The following NALF1 variants were observed in gnomAD, a reference collection of about 807,000 sequenced individuals.
NALF1 encodes family with sequence similarity 155 member A.
A neutral mutation model predicts 48.4 loss-of-function variants in NALF1; 3 were observed. The observed-to-expected ratio is 0.06, with a 90% CI of 0.03 to 0.16. NALF1 has a LOEUF of 0.16. NALF1 is among the 10% of genes least tolerant of loss of function. The probability of loss-of-function intolerance (pLI) is 1.00; values close to 1 mark genes in which losing one functional copy is unlikely to be tolerated. For missense variants in NALF1, 526 were observed against 571.5 expected (o/e 0.92, Z 0.81); for synonymous variants, 262 against 245.7 (o/e 1.07, Z -0.62).
chr13:107,546,553 C>A (rs1877140825), intron 1 of NALF1, among the ~76,000 whole-genome samples: 1 of 152,108 alleles, frequency 6.6e-6, no homozygotes, highest in South Asian at 2.1e-4. Flanking sequence ...GGCAAAAGAG[C>A]TCGAGCTAAA....
chr13:107,357,948 G>C (rs767196281), intron 1 of NALF1, among the ~76,000 whole-genome samples: 45 of 152,066 alleles, frequency 3.0e-4, no homozygotes, highest in Non-Finnish European at 5.9e-4. Flanking sequence ...ACAGTATCAA[G>C]TTTAGGTTGA....
chr13:107,204,996 C>T (rs1323517919), intron 2 of NALF1, among the ~76,000 whole-genome samples: 1 of 144,890 alleles, frequency 6.9e-6, no homozygotes, highest in African/African-American at 2.5e-5. Context: ...CTAATGAGAA[C>T]ATCTTTTTTT....
rs368277243 is a variant in NALF1 at position 107,766,646 on chromosome 13, C to A, written c.915+99036G>T. Among the ~76,000 whole-genome samples the A allele has an allele frequency of 6.3e-4, 96 of 152,276 alleles. 1 individual carries two copies. In the South Asian group the frequency reaches 8.9e-3, roughly 14 times the overall value. ...TTTCAACCTATGAGAGAATTTATAT[C>A]TGTGTATGTAAAACATTTTTAAAAA... is the stretch of plus-strand genomic sequence containing the variant. On this transcript the variant is annotated intron_variant, in intron 1 of 2. Transcript: ENST00000375915.
chr13:107,802,070 G>C (rs1878632802), intron 1 of NALF1, among the ~76,000 whole-genome samples: 1 of 152,128 alleles, frequency 6.6e-6, no homozygotes, highest in African/African-American at 2.4e-5. Context: ...AAGTCTCTTT[G>C]CTATAAAAAT....
intron 1 of NALF1, among the ~76,000 whole-genome samples, chr13:107,366,127 A>T (rs1883147818): frequency 6.6e-6 from 1 of 152,362 alleles, no homozygotes; most frequent in South Asian, 2.1e-4. Context: ...CATTCTTAGC[A>T]TATGCAGAGA....
At chr13:107,558,585 T>C (rs1877551150) in intron 1 of NALF1, among the ~76,000 whole-genome samples, 1 of 152,194 alleles carries the variant, frequency 6.6e-6, no homozygotes, top group South Asian at 2.1e-4. Flanking sequence ...GTTTAAGGTA[T>C]GGCTTGAACT....
intron 1 of NALF1, among the ~76,000 whole-genome samples, chr13:107,638,923 A>G (rs1018143880): frequency 1.3e-5 from 2 of 152,132 alleles, no homozygotes; most frequent in African/African-American, 4.8e-5. Context: ...TCTCGCAAAG[A>G]TGGAAGAATC....
At chr13:107,555,439 ATTTTTTTTT>A (rs34486058) in intron 1 of NALF1, among the ~76,000 whole-genome samples, 7 of 69,964 alleles carry the variant, frequency 1.0e-4, no homozygotes, top group African/African-American at 3.3e-4. Context: ...AGCCTGGCTA[ATTTTTTTTT>A]TTTTTTTTTT....
At position 107,293,295 on chromosome 13, in the gene NALF1, T is replaced by C. The variant is rs1259461271; in HGVS notation, c.916-82540A>G. 2.0e-5 allele frequency among the ~76,000 whole-genome samples: 3 copies of C among 152,298 alleles called. No homozygotes were observed. In the East Asian group the frequency reaches 5.8e-4, roughly 29 times the overall value. ...GCGCTCAGCCAACTCTGTTATAGTT[T>C]TATGGAGCCACCATCGTACATGTGG... is the stretch of plus-strand genomic sequence containing the variant. On this transcript the variant is annotated intron_variant, in intron 1 of 2. Transcript: ENST00000375915.
intron 2 of NALF1, among the ~76,000 whole-genome samples, chr13:107,197,599 G>A (rs533288764): frequency 2.2e-4 from 33 of 152,270 alleles, no homozygotes; most frequent in Non-Finnish European, 4.0e-4. Flanking sequence ...ATCCACTCTC[G>A]TGTCTGCATT....
intron 1 of NALF1, among the ~76,000 whole-genome samples, chr13:107,860,354 A>G (rs1880538957): frequency 1.3e-5 from 2 of 152,214 alleles, no homozygotes; most frequent in Non-Finnish European, 2.9e-5. Context: ...TGGGATTATG[A>G]TGTACTACTG....
intron 1 of NALF1, among the ~76,000 whole-genome samples, chr13:107,563,455 T>G (rs1017950331): frequency 2.6e-5 from 4 of 152,232 alleles, no homozygotes; most frequent in Non-Finnish European, 5.9e-5. Context: ...AATCTGCATT[T>G]TAACGTGTTT....
intron 1 of NALF1, chr13:107,531,120 A>C (rs929131196): frequency 1.2e-5 from 2 of 164,826 alleles, no homozygotes; most frequent in African/African-American, 4.8e-5. Flanking sequence ...ATTTTAACAT[A>C]GCTCTCCAGA....
At chr13:107,288,209 G>T (rs900773203) in intron 1 of NALF1, among the ~76,000 whole-genome samples, 2 of 146,354 alleles carry the variant, frequency 1.4e-5, no homozygotes, top group Non-Finnish European at 3.0e-5. Flanking sequence ...AAATATATAT[G>T]ATCTGAAGAC....
chr13:107,685,873 C>T (rs1456823269), intron 1 of NALF1, among the ~76,000 whole-genome samples: 1 of 152,200 alleles, frequency 6.6e-6, no homozygotes. Flanking sequence ...GGACTCTGTT[C>T]TGAGTCCTCG....
chr13:107,429,594 A>C (rs1351097020), intron 1 of NALF1, among the ~76,000 whole-genome samples: 1 of 152,164 alleles, frequency 6.6e-6, no homozygotes, highest in East Asian at 1.9e-4. Flanking sequence ...AAAGGAGACA[A>C]GAGACTATAG....
At chr13:107,826,235 C>G (rs1425546194) in intron 1 of NALF1, among the ~76,000 whole-genome samples, 1 of 152,190 alleles carries the variant, frequency 6.6e-6, no homozygotes, top group African/African-American at 2.4e-5. Context: ...AGTGGTCTTT[C>G]TGAGTTAGTC....
At chr13:107,777,683 C>T (rs1877777667) in intron 1 of NALF1, among the ~76,000 whole-genome samples, 1 of 152,174 alleles carries the variant, frequency 6.6e-6, no homozygotes, top group Admixed American at 6.5e-5. Flanking sequence ...CCCTGCAAAA[C>T]AGTGAGCCAA....
chr13:107,194,528 G>A (rs930350965), intron 2 of NALF1, among the ~76,000 whole-genome samples: 16 of 152,074 alleles, frequency 1.1e-4, no homozygotes, highest in African/African-American at 3.9e-4. Flanking sequence ...ACATATAGAA[G>A]AATAAAACTG....
Sources: allele counts gnomAD v4.1 joint callset (sites outside exome capture counted in the v4.1 genomes callset), GRCh38; gene constraint gnomAD v4.1.1; transcripts MANE v1.5; gene names NCBI Gene and HGNC (gene_info 2026-07-23, HGNC 2026-07-21).